The following ZNF292 variants were observed in gnomAD, a reference collection of about 807,000 sequenced individuals.
ZNF292 encodes the protein zinc finger protein 292, also known as 16 zinc-finger domain protein.
In ZNF292, 26 loss-of-function variants were observed where a neutral mutation model predicts 217.9. That is an observed-to-expected ratio of 0.12 (90% confidence interval 0.09 to 0.17). The LOEUF (loss-of-function observed/expected upper bound fraction) is 0.17. Ranked by LOEUF, ZNF292 falls within the 10% of genes least tolerant of loss-of-function variation. ZNF292 has a pLI of 1.00. For synonymous variants in ZNF292, 1,257 were observed against 1,124.1 expected (o/e 1.12, Z -2.37); for missense variants, 2,904 against 3,175.2 (o/e 0.91, Z 2.05).
At chr6:87,178,085 T>G (rs537200292) in intron 1 of ZNF292, among the ~76,000 whole-genome samples, 49 of 152,336 alleles carry the variant, frequency 3.2e-4, no homozygotes, top group African/African-American at 1.1e-3. Flanking sequence ...TCTCTTTGCT[T>G]TAGTCTATGG....
chr6:87,193,533 C>A (rs1160251236), intron 1 of ZNF292, among the ~76,000 whole-genome samples: 1 of 150,974 alleles, frequency 6.6e-6, no homozygotes, highest in Non-Finnish European at 1.5e-5. Flanking sequence ...AAGTGAGAGA[C>A]CTTCCAAAAA....
chr6:87,160,583 AT>A lies in ZNF292; in HGVS notation c.168+4825del, dbSNP rs530519210. ...AGATACAGGAGACTCTAATAAAAAA[AT>A]ATGTTTGTGTGTATATATACATATA... On this transcript the variant is annotated intron_variant, in intron 1 of 7. Coordinates refer to ENST00000369577, the MANE Select transcript of ZNF292 (RefSeq NM_015021.3). 9.5e-3 allele frequency among the ~76,000 whole-genome samples: 1,440 copies of A among 151,828 alleles called. 32 individuals are homozygous for A. The highest frequency in any genetic ancestry group is 0.034 in the African/African-American group (1,389 of 41,306).
Position 87,204,554 on chromosome 6 carries a change from ATTTTTTTTTTTTT to A in ZNF292, c.169-11335_169-11323del, listed in dbSNP as rs68087857. Among the ~76,000 whole-genome samples the A allele has an allele frequency of 1.3e-3, 83 of 63,642 alleles. 2 individuals carry two copies. The highest frequency in any genetic ancestry group is 5.4e-3 in the African/African-American group (77 of 14,380). The allele number at this position is 63,642 out of a possible 152,430, so 41.8% of individuals were successfully genotyped here. On this transcript the variant is annotated intron_variant, in intron 1 of 7. Transcript: ENST00000369577. ...TAGGATTTGGTTGGTAACATTTAGG[ATTTTTTTTTTTTT>A]TTTTTTTTTTTTTGATACTAAGTCT...
chr6:87,168,712 C>T (rs921026990), intron 1 of ZNF292, among the ~76,000 whole-genome samples: 2 of 151,988 alleles, frequency 1.3e-5, no homozygotes, highest in African/African-American at 2.4e-5. Context: ...TCAGGTGATC[C>T]GCCCACCTCA....
intron 1 of ZNF292, among the ~76,000 whole-genome samples, chr6:87,165,757 CTTT>C (rs71014998): frequency 4.6e-5 from 6 of 131,262 alleles, no homozygotes; most frequent in Admixed American, 7.9e-5. Flanking sequence ...GTTTACATTT[CTTT>C]TTTTTTTTTT....
In ZNF292 at chr6:87,264,203, T is replaced by C. The variant is rs543300248; in HGVS notation, c.*2402T>C. Reference sequence around the variant, plus strand: ...ATATATTTTTTTCATGGTATACTTTTCCCCAGCCTATTGTCTTGAGATATC... The same window carrying C: ...ATATATTTTTTTCATGGTATACTTTCCCCCAGCCTATTGTCTTGAGATATC... On this transcript the variant is annotated 3_prime_UTR_variant, in exon 8 of 8. Coordinates refer to ENST00000369577, the MANE Select transcript of ZNF292 (RefSeq NM_015021.3). 24 of 152,308 alleles carry C rather than the reference T, an allele frequency of 1.6e-4. No individual in the cohort carries two copies. Among genetic ancestry groups the C allele is most frequent in the Admixed American group, 1.6e-3 (24 of 15,292 alleles). 9.4% of individuals were successfully genotyped at this position (152,308 alleles called of 1,614,324 possible).
chr6:87,157,255 T>C (rs1280027312), intron 1 of ZNF292, among the ~76,000 whole-genome samples: 2 of 152,234 alleles, frequency 1.3e-5, no homozygotes, highest in Non-Finnish European at 2.9e-5. Context: ...CTTAGGTAAA[T>C]AGGTCTGGTG....
At chr6:87,182,484 G>A (rs925219517) in intron 1 of ZNF292, among the ~76,000 whole-genome samples, 1 of 152,128 alleles carries the variant, frequency 6.6e-6, no homozygotes, top group Non-Finnish European at 1.5e-5. Flanking sequence ...GCACTCCTAC[G>A]CTTTTAGAGG....
chr6:87,248,308 A>G (rs73485826), intron 7 of ZNF292, among the ~76,000 whole-genome samples: 12,194 of 152,246 alleles, frequency 0.08, 812 homozygotes, highest in African/African-American at 0.18. Flanking sequence ...TAAGTCTTAG[A>G]TGTATCTTCA....
chr6:87,191,149 G>A (rs7742478), intron 1 of ZNF292, among the ~76,000 whole-genome samples: 95,249 of 151,856 alleles, frequency 0.63, 31,336 homozygotes, highest in African/African-American at 0.83. Flanking sequence ...ATCCTTAAAT[G>A]TAATGTTTCA....
intron 2 of ZNF292, 99 bp downstream of exon 2, chr6:87,216,156 CAA>C (rs1491235155): frequency 1.8e-6 from 2 of 1,125,610 alleles, no homozygotes; most frequent in Non-Finnish European, 2.5e-6. Flanking sequence ...CACACACACA[CAA>C]CATTAAATCT....
chr6:87,179,389 A>G (rs977438731), intron 1 of ZNF292, among the ~76,000 whole-genome samples: 1 of 151,942 alleles, frequency 6.6e-6, no homozygotes, highest in African/African-American at 2.4e-5. Context: ...TCGAACTGCC[A>G]ACCTCAGGTG....
chr6:87,253,482 G>A (rs1041733063), intron 7 of ZNF292, among the ~76,000 whole-genome samples: 5 of 151,620 alleles, frequency 3.3e-5, no homozygotes, highest in African/African-American at 9.7e-5. Flanking sequence ...CTCCTGCCTC[G>A]GCCTTCCAAA....
chr6:87,260,572 C>A lies in ZNF292; in HGVS notation c.6943C>A (p.His2315Asn). ...AAACCAAGAAAAATCAAAGTCTAAACATCGGGGGACCAAGCACAGCAGATG... is the reference window on the plus strand; with the variant it reads ...AAACCAAGAAAAATCAAAGTCTAAAAATCGGGGGACCAAGCACAGCAGATG... ...KANQEKSKSK[H>N]RGTKHSRCGK... The change falls in exon 8 of 8, where the codon CAT becomes AAT. Residue 2315 changes from histidine (H) to asparagine (N), a missense_variant. This residue lies in a region of ZNF292 where 101 missense variants were observed against 89.5 expected (regional missense o/e 1.13). Transcript: ENST00000369577. 1.9e-6 allele frequency: 3 copies of A among 1,613,020 alleles called. No individual in the cohort carries two copies. Among genetic ancestry groups the A allele is most frequent in the Non-Finnish European group, 2.5e-6 (3 of 1,179,624 alleles).
chr6:87,252,151 G>GT (rs898411138), intron 7 of ZNF292, among the ~76,000 whole-genome samples: 2 of 145,352 alleles, frequency 1.4e-5, no homozygotes, highest in African/African-American at 5.2e-5. Flanking sequence ...TTTTTTTTTT[G>GT]TTTTTTGTGT....
At chr6:87,169,644 G>GT (rs1582374342) in intron 1 of ZNF292, 3 of 415,454 alleles carry the variant, frequency 7.2e-6, no homozygotes, top group Admixed American at 2.6e-5. Flanking sequence ...GCATTTAGTT[G>GT]TTTTTTTGTT....
At chr6:87,233,214 T>G in intron 4 of ZNF292, 111 bp from the exon 5 acceptor site, 1 of 773,114 alleles carries the variant, frequency 1.3e-6, no homozygotes, top group Non-Finnish European at 2.0e-6. Context: ...TAATAGAAAA[T>G]TGAAAAAAAG....
chr6:87,226,372 A>G (rs150051414), intron 4 of ZNF292, among the ~76,000 whole-genome samples: 7 of 152,246 alleles, frequency 4.6e-5, no homozygotes, highest in African/African-American at 1.7e-4. Flanking sequence ...AGTTTGCTAG[A>G]TATTAGCATA....
chr6:87,200,796 T>A (rs907233308), intron 1 of ZNF292, among the ~76,000 whole-genome samples: 3 of 152,212 alleles, frequency 2.0e-5, no homozygotes, highest in African/African-American at 4.8e-5. Context: ...TATTTAGGGA[T>A]TCAAAGCTAT....
Sources: allele counts gnomAD v4.1 joint callset (sites outside exome capture counted in the v4.1 genomes callset), GRCh38; gene constraint gnomAD v4.1.1; regional missense constraint gnomAD v4.1.1; transcripts MANE v1.5; gene names NCBI Gene and HGNC (gene_info 2026-07-23, HGNC 2026-07-21).